The following ALPK1 variants were observed in gnomAD, a reference collection of about 807,000 sequenced individuals.
ALPK1 encodes alpha kinase 1.
ALPK1 carries 110 observed loss-of-function variants against 120.6 expected under a neutral mutation model. That is an observed-to-expected ratio of 0.91 (90% CI 0.78 to 1.07). The LOEUF is 1.07. Among genes scored for constraint, ALPK1 ranks in the 50% least tolerant of loss-of-function variants. ALPK1 has a pLI of 0.00. For synonymous variants in ALPK1, 582 were observed against 560.3 expected (o/e 1.04, Z -0.55); for missense variants, 1,498 against 1,483.9 (o/e 1.01, Z -0.16).
intron 5 of ALPK1, among the ~76,000 whole-genome samples, chr4:112,420,067 G>A (rs1201928144): frequency 1.3e-5 from 2 of 152,198 alleles, no homozygotes; most frequent in African/African-American, 4.8e-5. Context: ...TTGGATGAAT[G>A]ACAAATAGCT....
chr4:112,335,311 A>C, intron 2 of ALPK1, among the ~76,000 whole-genome samples: 1 of 151,798 alleles, frequency 6.6e-6, no homozygotes, highest in East Asian at 1.9e-4. Flanking sequence ...AAATGCAGTC[A>C]TTTGCTTTTG....
intron 2 of ALPK1, chr4:112,356,027 CT>C: frequency 1.4e-6 from 1 of 707,772 alleles, no homozygotes; most frequent in South Asian, 1.5e-5. Context: ...GCTCGCATCA[CT>C]TACCAAGAGC....
At chr4:112,388,014 T>A (rs560316252) in intron 4 of ALPK1, among the ~76,000 whole-genome samples, 3 of 152,310 alleles carry the variant, frequency 2.0e-5, no homozygotes, top group East Asian at 1.9e-4. Context: ...CCACTTAGAG[T>A]GAGAACATGC....
intron 11 of ALPK1, among the ~76,000 whole-genome samples, chr4:112,434,456 T>C (rs1189954068): frequency 1.3e-5 from 2 of 152,250 alleles, no homozygotes; most frequent in East Asian, 3.8e-4. Context: ...CTTTGTTCAC[T>C]TCATTTTAAT....
chr4:112,300,500 ATT>A (rs1457781016), intron 1 of ALPK1, among the ~76,000 whole-genome samples: 1 of 152,000 alleles, frequency 6.6e-6, no homozygotes, highest in Non-Finnish European at 1.5e-5. Flanking sequence ...CCTTCTTTTT[ATT>A]TGGCATACAA....
rs1183858598 is a variant in ALPK1, at chr4:112,424,012, T to A, written c.535+9T>A. On this transcript the variant is annotated intron_variant, in intron 6 of 15. Coordinates refer to ENST00000650871, the MANE Select transcript of ALPK1 (RefSeq NM_025144.4). The stretch of plus-strand genomic sequence containing the variant: ...CAACAATGGAGCAACGGGTGAGTAC[T>A]TTCATATCTTCACAATGACTTTTAC... 1 of 1,612,990 alleles carries A rather than the reference T, an allele frequency of 6.2e-7. No homozygotes were observed. Among genetic ancestry groups the A allele is most frequent in the Middle Eastern group, 1.7e-4 (1 of 5,952 alleles).
intron 2 of ALPK1, among the ~76,000 whole-genome samples, chr4:112,334,488 T>A (rs956377883): frequency 6.6e-6 from 1 of 151,792 alleles, no homozygotes; most frequent in Non-Finnish European, 1.5e-5. Flanking sequence ...CTGTCCATAC[T>A]GCCAATAAAT....
chr4:112,338,374 T>C (rs1347841121), intron 2 of ALPK1, among the ~76,000 whole-genome samples: 1 of 152,080 alleles, frequency 6.6e-6, no homozygotes, highest in East Asian at 1.9e-4. Context: ...AAGCATAGAG[T>C]TTTTTTCTAT....
chr4:112,308,815 A>C (rs1173350971), intron 1 of ALPK1, among the ~76,000 whole-genome samples: 2 of 151,814 alleles, frequency 1.3e-5, no homozygotes, highest in African/African-American at 4.9e-5. Context: ...TTGGAGGGGG[A>C]GGGGCGCTCT....
rs553532030 is a variant in ALPK1, at chr4:112,411,663, G to A, written c.277-164G>A. 7.8e-6 allele frequency: 5 copies of A among 642,528 alleles called. No homozygotes were observed. The Middle Eastern group carries it at 7.5e-4, about 96-fold the overall frequency. 39.8% of individuals were successfully genotyped at this position (642,528 alleles called of 1,614,324 possible). A position where few individuals can be genotyped will look rare whatever the true frequency, so the allele number is the denominator to read the frequency against. On this transcript the variant is annotated intron_variant, in intron 4 of 15. Transcript: ENST00000650871. ...ACTATTTTATTGCACAATTGAACTG[G>A]ACTTTTCTATTTTCTTTCTTTCGGT...
chr4:112,382,743 G>C, intron 4 of ALPK1, 191 bp downstream of exon 4: 1 of 747,178 alleles, frequency 1.3e-6, no homozygotes, highest in Admixed American at 2.8e-5. Flanking sequence ...ATCTTGTGTT[G>C]TAAAGCCAAA....
At chr4:112,416,731 C>T (rs1469235573) in intron 5 of ALPK1, among the ~76,000 whole-genome samples, 1 of 151,902 alleles carries the variant, frequency 6.6e-6, no homozygotes, top group Non-Finnish European at 1.5e-5. Context: ...ACAAAATCAA[C>T]CAGGTGTGGT....
rs749293535 is a variant in ALPK1, at chr4:112,432,544, G to A, written c.2997G>A (p.Thr999=). The change falls in exon 11 of 16, where the codon ACG becomes ACA. Residue 999 remains threonine, a synonymous_variant. Coordinates refer to ENST00000650871, the MANE Select transcript of ALPK1 (RefSeq NM_025144.4). The part of the protein sequence containing the change: ...HDWLFQRLEN[T]GVFKPSQLHR... ...GGCTGTTTCAGAGACTAGAGAATAC[G>A]GGGGTTTTTAAGCCCAGTCAACTCC... is the stretch of plus-strand genomic sequence containing the variant. The A allele has an allele frequency of 5.6e-6, 9 of 1,613,686 alleles. No individual in the cohort carries two copies. Among genetic ancestry groups the A allele is most frequent in the South Asian group, 1.1e-5 (1 of 91,080 alleles).
intron 11 of ALPK1, among the ~76,000 whole-genome samples, chr4:112,434,151 C>T (rs1431826364): frequency 6.6e-6 from 1 of 152,184 alleles, no homozygotes; most frequent in South Asian, 2.1e-4. Context: ...TATTTGTTAT[C>T]GTTTGCTAAT....
intron 1 of ALPK1, among the ~76,000 whole-genome samples, chr4:112,305,571 G>C (rs1455820548): frequency 2.0e-5 from 3 of 152,108 alleles, no homozygotes; most frequent in Non-Finnish European, 4.4e-5. Context: ...TGGTGTATAA[G>C]AATGCTTGTG....
intron 5 of ALPK1, chr4:112,423,742 C>T: frequency 2.9e-6 from 2 of 691,736 alleles, no homozygotes; most frequent in South Asian, 3.0e-5. Flanking sequence ...TCCAACTTCC[C>T]ACCTTACCAA....
At chr4:112,303,954 GTGT>G (rs1004104654) in intron 1 of ALPK1, among the ~76,000 whole-genome samples, 4 of 151,906 alleles carry the variant, frequency 2.6e-5, no homozygotes, top group African/African-American at 9.7e-5. Flanking sequence ...CTGTGTCCAA[GTGT>G]TCTCATTGTT....
chr4:112,370,792 T>G (rs369131067), intron 2 of ALPK1, among the ~76,000 whole-genome samples: 1 of 152,246 alleles, frequency 6.6e-6, no homozygotes, highest in Non-Finnish European at 1.5e-5. Context: ...GTATGAAGAA[T>G]GTCTTCAGTA....
chr4:112,332,941 T>C lies in ALPK1; in HGVS notation c.-101+17089T>C, dbSNP rs538644043. ...TTGGGGAATGCTAAAAGGAAGCCTT[T>C]TGATGCACTTTCAAAGAACTTGGCT... is the stretch of plus-strand genomic sequence containing the variant. On this transcript the variant is annotated intron_variant, in intron 2 of 15. Transcript: ENST00000650871. Among the ~76,000 whole-genome samples the C allele has an allele frequency of 3.3e-5, 5 of 152,320 alleles. No homozygotes were observed. In the South Asian group the frequency reaches 6.2e-4, roughly 19 times the overall value.
Sources: allele counts gnomAD v4.1 joint callset (sites outside exome capture counted in the v4.1 genomes callset), GRCh38; gene constraint gnomAD v4.1.1; transcripts MANE v1.5; gene names NCBI Gene and HGNC (gene_info 2026-07-23, HGNC 2026-07-21).